The following RARB variants were observed in gnomAD, a reference collection of about 807,000 sequenced individuals.
The protein encoded by RARB is retinoic acid receptor beta.
In RARB, 17 loss-of-function variants were observed where a neutral mutation model predicts 51.9. The ratio of observed to expected loss-of-function variants is 0.33; its 90% CI spans 0.22 to 0.49. RARB has a LOEUF of 0.49. Ranked by LOEUF, RARB falls within the 20% of genes least tolerant of loss-of-function variation. The probability of loss-of-function intolerance (pLI) is 0.99; values close to 1 mark genes in which losing one functional copy is unlikely to be tolerated. For missense variants in RARB, 369 were observed against 550.8 expected, an observed-to-expected ratio of 0.67 and a Z score of 3.30; for synonymous variants, 215 against 195.4, an observed-to-expected ratio of 1.10 and a Z score of -0.84.
intron 3 of RARB, among the ~76,000 whole-genome samples, chr3:25,107,287 T>C (rs1374642512): frequency 6.6e-6 from 1 of 152,210 alleles, no homozygotes; most frequent in African/African-American, 2.4e-5. Flanking sequence ...TGCTCTGTTT[T>C]CTTGTTTTCT....
At chr3:25,416,432 C>T (rs535453976) in intron 5 of RARB, among the ~76,000 whole-genome samples, 6 of 152,186 alleles carry the variant, frequency 3.9e-5, no homozygotes, top group African/African-American at 4.8e-5. Context: ...TTGGGGAGTT[C>T]GAATTGAGAC....
chr3:25,272,291 G>A (rs1236221251), intron 5 of RARB, among the ~76,000 whole-genome samples: 1 of 152,210 alleles, frequency 6.6e-6, no homozygotes, highest in Non-Finnish European at 1.5e-5. Flanking sequence ...GCCATCGGCT[G>A]GTCAGGGCTG....
intron 5 of RARB, among the ~76,000 whole-genome samples, chr3:25,243,844 T>A (rs1248469970): frequency 3.9e-5 from 6 of 152,092 alleles, no homozygotes; most frequent in Non-Finnish European, 8.8e-5. Flanking sequence ...CAGGGAGGAG[T>A]CTTTCTTTTT....
chr3:25,366,118 A>T (rs934032633), intron 5 of RARB, among the ~76,000 whole-genome samples: 1 of 152,202 alleles, frequency 6.6e-6, no homozygotes, highest in African/African-American at 2.4e-5. Flanking sequence ...CAAGGCCTTT[A>T]TGCATTATGG....
At chr3:25,212,260 A>G (rs1701716915) in intron 5 of RARB, among the ~76,000 whole-genome samples, 1 of 152,214 alleles carries the variant, frequency 6.6e-6, no homozygotes, top group African/African-American at 2.4e-5. Flanking sequence ...AATAATATAG[A>G]CTATGCTAAA....
Position 25,335,963 on chromosome 3 carries a change from TA to T in RARB, c.179-125226del, listed in dbSNP as rs1011869123. On this transcript the variant is annotated intron_variant, in intron 5 of 11. Transcript: ENST00000383772. ...ATTTATTTGAGTATTATCCATCCTCTAAAACACAGGTTTTTAAAACATATAT... is the reference window on the plus strand; with the variant it reads ...ATTTATTTGAGTATTATCCATCCTCTAAACACAGGTTTTTAAAACATATAT... Among the ~76,000 whole-genome samples the T allele has an allele frequency of 3.9e-5, 6 of 152,120 alleles. No individual in the cohort carries two copies. In the East Asian group the frequency reaches 7.7e-4, roughly 20 times the overall value.
At chr3:25,480,084 G>T (rs955804840) in intron 2 of RARB, among the ~76,000 whole-genome samples, 1 of 152,168 alleles carries the variant, frequency 6.6e-6, no homozygotes, top group East Asian at 1.9e-4. Flanking sequence ...CCTATTACTG[G>T]TATGCAGCCC....
rs141528738 is a variant in RARB, at chr3:25,245,701, G to A, written c.178+71126G>A. On this transcript the variant is annotated intron_variant, in intron 5 of 11. Coordinates refer to the RARB transcript ENST00000383772. ...TTAGTCTGATAGGCTTCCCTTTGTG[G>A]GTAACCTGACCTTTCTCTCTGACTG... Among the ~76,000 whole-genome samples, 904 of 152,220 alleles carry A rather than the reference G, an allele frequency of 5.9e-3. 14 individuals carry two copies. The highest frequency in any genetic ancestry group is 0.019 in the African/African-American group (805 of 41,522).
At chr3:25,076,226 C>T (rs1283038541) in intron 3 of RARB, among the ~76,000 whole-genome samples, 4 of 151,730 alleles carry the variant, frequency 2.6e-5, no homozygotes, top group Admixed American at 6.6e-5. Context: ...CCGCAAGCTC[C>T]GCCTCCCGGG....
chr3:24,992,080 AC>A, intron 2 of RARB, among the ~76,000 whole-genome samples: 1 of 152,180 alleles, frequency 6.6e-6, no homozygotes, highest in Non-Finnish European at 1.5e-5. Context: ...GGGCTCTGAC[AC>A]CCTGGTCTGG....
chr3:25,309,260 C>T (rs1704227774), intron 5 of RARB, among the ~76,000 whole-genome samples: 1 of 149,920 alleles, frequency 6.7e-6, no homozygotes, highest in Non-Finnish European at 1.5e-5. Context: ...CCTGCCTCAG[C>T]CTCAACTGAG....
In RARB at chr3:25,151,131, C is replaced by T. The variant is rs369124523; in HGVS notation, c.-280+18923C>T. On this transcript the variant is annotated intron_variant, in intron 4 of 11. Coordinates refer to the RARB transcript ENST00000383772. ...AAGCTGGTCACACCGCCCATTTTGC[C>T]CCTTGGCTTTCCATTTGGCAGACAC... Among the ~76,000 whole-genome samples the T allele has an allele frequency of 3.3e-5, 5 of 152,284 alleles. No homozygotes were observed. The South Asian group carries it at 8.3e-4, about 25-fold the overall frequency.
chr3:25,367,508 C>T (rs760753995), intron 5 of RARB, among the ~76,000 whole-genome samples: 2 of 152,042 alleles, frequency 1.3e-5, no homozygotes, highest in African/African-American at 4.8e-5. Context: ...TATCAGTCCC[C>T]TATCTCAGCT....
At chr3:25,204,012 C>A (rs1701463947) in intron 5 of RARB, among the ~76,000 whole-genome samples, 1 of 152,138 alleles carries the variant, frequency 6.6e-6, no homozygotes, top group African/African-American at 2.4e-5. Flanking sequence ...TGGATAATAT[C>A]CTGCAGAGTG....
At chr3:25,273,182 A>G (rs147685089) in intron 5 of RARB, among the ~76,000 whole-genome samples, 1 of 152,138 alleles carries the variant, frequency 6.6e-6, no homozygotes, top group Non-Finnish European at 1.5e-5. Context: ...AGCTGCTTCT[A>G]TGTGGATCTA....
rs1342393781 is a variant in RARB, at chr3:25,007,600, A to AAAAAAAACAAAAAAAAAAC, written c.-379-52521_-379-52520insAAACAAAAAAAAAACAAAA. On this transcript the variant is annotated intron_variant, in intron 2 of 11. Coordinates refer to the RARB transcript ENST00000383772. Reference sequence around the variant, plus strand: ...ACAGAGTGAGACTGTCTCAAAAAAAAAAAACAAAAAAACCTCATATTTTCT... The same window carrying AAAAAAAACAAAAAAAAAAC: ...ACAGAGTGAGACTGTCTCAAAAAAAAAAAAAAACAAAAAAAAAACAAAACAAAAAAACCTCATATTTTCT... Among the ~76,000 whole-genome samples the AAAAAAAACAAAAAAAAAAC allele has an allele frequency of 2.1e-3, 297 of 143,332 alleles. 16 individuals are homozygous for AAAAAAAACAAAAAAAAAAC. Among genetic ancestry groups the AAAAAAAACAAAAAAAAAAC allele is most frequent in the African/African-American group, 7.9e-3 (289 of 36,474 alleles). The allele number at this position is 143,332 out of a possible 152,430, so 94.0% of individuals were successfully genotyped here.
chr3:25,509,858 T>C (rs900929932), intron 3 of RARB, among the ~76,000 whole-genome samples: 3 of 152,094 alleles, frequency 2.0e-5, no homozygotes, highest in Non-Finnish European at 4.4e-5. Context: ...TGCCTTTCTT[T>C]GCTCATCTGG....
chr3:24,953,451 T>A (rs181162708), intron 2 of RARB, among the ~76,000 whole-genome samples: 1 of 152,320 alleles, frequency 6.6e-6, no homozygotes, highest in East Asian at 1.9e-4. Context: ...AGCAATGCAG[T>A]CTTCTGGAAA....
rs1402645512 is a variant in RARB at position 25,161,132 on chromosome 3, C to A, written c.-279-12987C>A. Reference sequence around the variant, plus strand: ...GGTTCAAGCGATTCTCCTGCCTCAGCCTCCTGAGTAGCTGGGATTACAGGC... The same window carrying A: ...GGTTCAAGCGATTCTCCTGCCTCAGACTCCTGAGTAGCTGGGATTACAGGC... On this transcript the variant is annotated intron_variant, in intron 4 of 11. Coordinates refer to the RARB transcript ENST00000383772. Among the ~76,000 whole-genome samples the A allele has an allele frequency of 2.0e-5, 3 of 152,026 alleles. No homozygotes were observed. The East Asian group carries it at 5.8e-4, about 29-fold the overall frequency.
Sources: gnomAD v4.1 joint callset for allele counts (sites outside exome capture counted in the v4.1 genomes callset) on GRCh38, gnomAD v4.1.1 for gene constraint, MANE v1.5 for transcripts, NCBI Gene and HGNC (gene_info 2026-07-23, HGNC 2026-07-21) for gene names.